MCOLN2: variants seen among roughly 807,000 people sequenced by gnomAD.
MCOLN2 encodes mucolipin-2.
A neutral mutation model predicts 67.5 loss-of-function variants in MCOLN2; 57 were observed. The observed-to-expected ratio is 0.84, with a 90% CI of 0.68 to 1.05. The LOEUF (loss-of-function observed/expected upper bound fraction) is 1.05. Among genes scored for constraint, MCOLN2 ranks in the 50% least tolerant of loss-of-function variants. The pLI is 0.00. For synonymous variants in MCOLN2, 246 were observed against 233.3 expected, an observed-to-expected ratio of 1.05 and a Z score of -0.50; for missense variants, 620 against 678.8, an observed-to-expected ratio of 0.91 and a Z score of 0.96.
chr1:84,947,368 A>C (rs1648172815), intron 6 of MCOLN2, among the ~76,000 whole-genome samples: 1 of 152,096 alleles, frequency 6.6e-6, no homozygotes, highest in African/African-American at 2.4e-5. Context: ...ATTTTGACTG[A>C]AATCACTAAA....
At chr1:84,990,525 G>A (rs1389009135) in intron 1 of MCOLN2, among the ~76,000 whole-genome samples, 2 of 151,890 alleles carry the variant, frequency 1.3e-5, no homozygotes, top group East Asian at 1.9e-4. Context: ...GTTAATTGCG[G>A]CCCTATTCGT....
intron 11 of MCOLN2, among the ~76,000 whole-genome samples, chr1:84,934,109 G>A (rs749668308): frequency 6.6e-6 from 1 of 152,112 alleles, no homozygotes; most frequent in Non-Finnish European, 1.5e-5. Flanking sequence ...GTGATCATAA[G>A]CCCCTGGAAA....
chr1:84,928,575 T>C (rs12145073), intron 13 of MCOLN2, among the ~76,000 whole-genome samples: 1 of 152,140 alleles, frequency 6.6e-6, no homozygotes, highest in Non-Finnish European at 1.5e-5. Context: ...AAAAGAGATT[T>C]TGAGAGACTT....
chr1:84,947,085 A>G lies in MCOLN2; in HGVS notation c.795T>C (p.Phe265=). The part of the protein sequence containing the change: ...KAHSGKIKIY[F]DSDAKIEECK... The stretch of plus-strand genomic sequence containing the variant: ...ATTCTTCAATTTTGGCATCACTGTC[A>G]AAATAGATTTTGATTTTGCCACTGT... The change falls in exon 7 of 14, where the codon TTT becomes TTC. Residue 265 remains phenylalanine (F), a synonymous_variant. Transcript: ENST00000370608. 1 of 1,605,040 alleles carries G rather than the reference A, an allele frequency of 6.2e-7. No homozygotes were observed. The highest frequency in any genetic ancestry group is 8.5e-7 in the Non-Finnish European group (1 of 1,172,060).
In MCOLN2 at chr1:84,937,874, G is replaced by C; in HGVS notation, c.1216C>G (p.Leu406Val). 2 of 1,613,666 alleles carry C rather than the reference G, an allele frequency of 1.2e-6. No homozygotes were observed. Among genetic ancestry groups the C allele is most frequent in the Non-Finnish European group, 1.7e-6 (2 of 1,179,926 alleles). Residue 406 changes from leucine (L) to valine (V), a missense_variant, in exon 11 of 14, where the codon CTG becomes GTG. Coordinates refer to ENST00000370608, the MANE Select transcript of MCOLN2 (RefSeq NM_153259.4). ...YLGYFQAYNV[L>V]ILTMQASLPK... The stretch of plus-strand genomic sequence containing the variant: ...AGTGAGGCCTGCATTGTTAAAATCA[G>C]CACCTGAAAAAAAGAACAGAATGGG...
rs1351814837 is a variant in MCOLN2, at chr1:84,937,794, T to G, written c.1296A>C (p.Thr432=). 6.2e-7 allele frequency: 1 copy of G among 1,614,176 alleles called. No individual in the cohort carries two copies. The highest frequency in any genetic ancestry group is 1.7e-5 in the Admixed American group (1 of 60,030). Residue 432 remains threonine (T), a synonymous_variant, in exon 11 of 14, where the codon ACA becomes ACC. Coordinates refer to ENST00000370608, the MANE Select transcript of MCOLN2 (RefSeq NM_153259.4). ...GTCCTAAGACAATCCAGCCACAGAATGTGTAACCCAGATAAATCATACCAG... is the reference window on the plus strand; with the variant it reads ...GTCCTAAGACAATCCAGCCACAGAAGGTGTAACCCAGATAAATCATACCAG... The part of the protein sequence containing the change: ...ACAGMIYLGY[T]FCGWIVLGPY...
chr1:84,993,347 A>G (rs1254016755), intron 1 of MCOLN2, among the ~76,000 whole-genome samples: 3 of 152,236 alleles, frequency 2.0e-5, no homozygotes, highest in African/African-American at 7.2e-5. Flanking sequence ...ATTAAAAGTA[A>G]GGACAAAACC....
chr1:84,945,673 C>T (rs2102824240), intron 7 of MCOLN2, among the ~76,000 whole-genome samples: 1 of 152,292 alleles, frequency 6.6e-6, no homozygotes, highest in South Asian at 2.1e-4. Flanking sequence ...TAACATCATC[C>T]TAATTCTTTA....
At chr1:84,983,626 G>A (rs1349457878) in intron 1 of MCOLN2, among the ~76,000 whole-genome samples, 1 of 151,278 alleles carries the variant, frequency 6.6e-6, no homozygotes, top group Non-Finnish European at 1.5e-5. Flanking sequence ...CTGTTCCTTA[G>A]GTGCAACTAC....
At chr1:84,992,078 A>T (rs1023529691) in intron 1 of MCOLN2, among the ~76,000 whole-genome samples, 1 of 152,162 alleles carries the variant, frequency 6.6e-6, no homozygotes, top group Non-Finnish European at 1.5e-5. Context: ...GACAAGCCCA[A>T]CTCAGTTTCA....
intron 1 of MCOLN2, among the ~76,000 whole-genome samples, chr1:84,975,591 C>A (rs1571023852): frequency 6.6e-6 from 1 of 152,094 alleles, no homozygotes; most frequent in East Asian, 1.9e-4. Flanking sequence ...GTGAAGACTA[C>A]AATAAATTCC....
chr1:84,929,743 C>T (rs1661315363), intron 12 of MCOLN2, 64 bp from the exon 13 acceptor site: 2 of 1,525,168 alleles, frequency 1.3e-6, no homozygotes, highest in South Asian at 2.4e-5. Context: ...CTTTTGTCAA[C>T]AAACCAAGCC....
chr1:84,937,602 G>GA (rs2102809772), intron 11 of MCOLN2, 153 bp downstream of exon 11: 3 of 1,413,714 alleles, frequency 2.1e-6, no homozygotes, highest in East Asian at 2.5e-5. Flanking sequence ...TCCTGAAAAG[G>GA]AAAAAAAGAA....
intron 9 of MCOLN2, among the ~76,000 whole-genome samples, 172 bp downstream of exon 9, chr1:84,939,381 G>A (rs957258208): frequency 2.6e-5 from 4 of 151,986 alleles, no homozygotes; most frequent in Non-Finnish European, 5.9e-5. Context: ...ATGGAACATC[G>A]GCTTCCTTTC....
intron 6 of MCOLN2, among the ~76,000 whole-genome samples, chr1:84,947,869 C>T (rs1648201301): frequency 6.6e-6 from 1 of 152,272 alleles, no homozygotes; most frequent in Admixed American, 6.5e-5. Flanking sequence ...ATGACACTGG[C>T]TGCCTAGAGC....
In MCOLN2 at chr1:84,925,589, G is replaced by A. The variant is rs932936489; in HGVS notation, c.*1096C>T. 6.6e-6 allele frequency: 1 copy of A among 152,166 alleles called. No individual in the cohort carries two copies. Among genetic ancestry groups the A allele is most frequent in the African/African-American group, 2.4e-5 (1 of 41,442 alleles). The allele number at this position is 152,166 out of a possible 1,614,324, so 9.4% of individuals were successfully genotyped here. ...AAATAGTAAGAATGCCATATGGAAT[G>A]ATGAAAATAAATTTATTTAGAGAAA... On this transcript the variant is annotated 3_prime_UTR_variant, in exon 14 of 14. Transcript: ENST00000370608.
intron 1 of MCOLN2, among the ~76,000 whole-genome samples, chr1:84,987,505 T>TACATATACCTATATAC (rs371236017): frequency 2.6e-5 from 1 of 38,232 alleles, no homozygotes; most frequent in Non-Finnish European, 5.3e-5. Context: ...TATACATAGA[T>TACATATACCTATATAC]GTATACATAT....
chr1:84,937,415 A>T, intron 11 of MCOLN2: 1 of 207,206 alleles, frequency 4.8e-6, no homozygotes, highest in Non-Finnish European at 9.0e-6. Context: ...GAAATTTTTT[A>T]TAATAATTTT....
At chr1:84,935,267 C>A (rs1192766527) in intron 11 of MCOLN2, among the ~76,000 whole-genome samples, 1 of 152,266 alleles carries the variant, frequency 6.6e-6, no homozygotes, top group Non-Finnish European at 1.5e-5. Flanking sequence ...TCTCCCCCAA[C>A]TGACTTGTAC....
Sources: allele counts gnomAD v4.1 joint callset (sites outside exome capture counted in the v4.1 genomes callset), GRCh38; gene constraint gnomAD v4.1.1; transcripts MANE v1.5; gene names NCBI Gene and HGNC (gene_info 2026-07-23, HGNC 2026-07-21).